MED12L: variants seen among roughly 807,000 people sequenced by gnomAD.
The protein encoded by MED12L is mediator of RNA polymerase II transcription subunit 12-like protein.
MED12L carries 60 observed loss-of-function variants against 281.3 expected under a neutral mutation model. That is an observed-to-expected ratio of 0.21 (90% CI 0.17 to 0.26). The LOEUF (loss-of-function observed/expected upper bound fraction) is 0.26, where lower values mean the gene tolerates loss of function less well. Among genes scored for constraint, MED12L ranks in the 10% least tolerant of loss-of-function variants. The pLI is 1.00. For missense variants in MED12L, 2,146 were observed against 2,680.9 expected (o/e 0.80, Z 4.41); for synonymous variants, 974 against 987.2 (o/e 0.99, Z 0.25).
chr3:151,233,811 C>T (rs1002476794), intron 16 of MED12L, among the ~76,000 whole-genome samples: 5 of 152,228 alleles, frequency 3.3e-5, no homozygotes, highest in African/African-American at 9.6e-5. Flanking sequence ...TCCTGTTCCT[C>T]CTCTGCCATC....
At chr3:151,176,973 G>A (rs1025891975) in intron 11 of MED12L, among the ~76,000 whole-genome samples, 3 of 152,208 alleles carry the variant, frequency 2.0e-5, no homozygotes, top group Non-Finnish European at 2.9e-5. Context: ...ACCAGGCACC[G>A]TGGAAGGTGC....
intron 16 of MED12L, among the ~76,000 whole-genome samples, chr3:151,246,303 G>A (rs1306313144): frequency 1.1e-4 from 17 of 152,026 alleles, no homozygotes; most frequent in South Asian, 6.2e-4. Flanking sequence ...AAAAGAGCCC[G>A]TATCGCCAAG....
chr3:151,145,897 C>T (rs1717692202), intron 5 of MED12L, among the ~76,000 whole-genome samples: 1 of 152,208 alleles, frequency 6.6e-6, no homozygotes, highest in South Asian at 2.1e-4. Flanking sequence ...GTCGCACCTG[C>T]CTCTTTGTTC....
intron 39 of MED12L, among the ~76,000 whole-genome samples, chr3:151,402,389 A>G (rs1715799708): frequency 6.6e-6 from 1 of 152,196 alleles, no homozygotes; most frequent in Non-Finnish European, 1.5e-5. Flanking sequence ...GTCGCACTAT[A>G]AATATTTGCT....
rs149379475 is a variant in MED12L, at chr3:151,121,914, G to A, written c.205-869G>A. Among the ~76,000 whole-genome samples the A allele has an allele frequency of 5.2e-3, 794 of 151,422 alleles. 11 individuals are homozygous for A. The highest frequency in any genetic ancestry group is 0.018 in the African/African-American group (760 of 41,318). ...TTTTTAGTAGAGATGCGGTTTCACT[G>A]TGTTGGCCAGGCTGGTCTCGAACTC... On this transcript the variant is annotated intron_variant, in intron 3 of 44. Coordinates refer to ENST00000687756, the MANE Select transcript of MED12L (RefSeq NM_001393769.1).
At position 151,382,890 on chromosome 3, in the gene MED12L, C is replaced by T. The variant is rs1197415946; in HGVS notation, c.4680+145C>T. The T allele has an allele frequency of 6.7e-6, 4 of 601,022 alleles. No individual in the cohort carries two copies. In the Admixed American group the frequency reaches 1.0e-4, roughly 15 times the overall value. The allele number at this position is 601,022 out of a possible 1,614,324, so 37.2% of individuals were successfully genotyped here. A position where few individuals can be genotyped will look rare whatever the true frequency, so the allele number is the denominator to read the frequency against. ...GCTCTCTGTAATTACTTCCCTGTTT[C>T]TAAAGCCTTCTGTTTCCCTTGCTGC... On this transcript the variant is annotated intron_variant, in intron 33 of 44. Coordinates refer to ENST00000687756, the MANE Select transcript of MED12L (RefSeq NM_001393769.1).
At chr3:151,161,507 G>A (rs1438374651) in intron 8 of MED12L, among the ~76,000 whole-genome samples, 1 of 152,182 alleles carries the variant, frequency 6.6e-6, no homozygotes, top group Non-Finnish European at 1.5e-5. Context: ...GGGAAGGTTG[G>A]CCAGACTGGA....
At chr3:151,329,229 C>T (rs1185826335) in intron 16 of MED12L, among the ~76,000 whole-genome samples, 1 of 152,168 alleles carries the variant, frequency 6.6e-6, no homozygotes, top group Non-Finnish European at 1.5e-5. Context: ...CCATTACTTT[C>T]ACATCCTTGT....
In MED12L at chr3:151,412,374, G is replaced by T. The variant is rs550399031; in HGVS notation, c.6141-765G>T. On this transcript the variant is annotated intron_variant, in intron 41 of 44. Transcript: ENST00000687756. ...ATGCAGTTCGTTCTTGTGGCTAGTAGTTATCTTATTGGACAGCGCAGAGAG... is the reference window on the plus strand; with the variant it reads ...ATGCAGTTCGTTCTTGTGGCTAGTATTTATCTTATTGGACAGCGCAGAGAG... 4.6e-5 allele frequency among the ~76,000 whole-genome samples: 7 copies of T among 152,334 alleles called. No individual in the cohort carries two copies. In the East Asian group the frequency reaches 7.7e-4, roughly 17 times the overall value.
intron 16 of MED12L, chr3:151,278,442 C>T (rs924169150): frequency 4.6e-5 from 7 of 152,176 alleles, no homozygotes; most frequent in African/African-American, 1.7e-4. Flanking sequence ...TAGTGGGTCC[C>T]TCTGCTGCTG....
At chr3:151,173,011 G>T (rs566402627) in intron 11 of MED12L, among the ~76,000 whole-genome samples, 6 of 152,118 alleles carry the variant, frequency 3.9e-5, no homozygotes, top group Admixed American at 3.3e-4. Flanking sequence ...TCACTGAGAA[G>T]GGCCTGTCAC....
At chr3:151,260,838 T>C (rs1363987142) in intron 16 of MED12L, among the ~76,000 whole-genome samples, 1 of 152,222 alleles carries the variant, frequency 6.6e-6, no homozygotes, top group East Asian at 1.9e-4. Flanking sequence ...GCCTTAGTTG[T>C]ATTCAGACTA....
At chr3:151,411,533 C>CAATAATG in intron 41 of MED12L, 26 bp downstream of exon 41, 1 of 1,583,454 alleles carries the variant, frequency 6.3e-7, no homozygotes, top group Non-Finnish European at 8.7e-7. Context: ...ATGATGATGG[C>CAATAATG]AATAATGAAC....
chr3:151,291,876 G>A (rs1038326092), intron 16 of MED12L, among the ~76,000 whole-genome samples: 6 of 152,156 alleles, frequency 3.9e-5, no homozygotes, highest in Admixed American at 2.0e-4. Context: ...AAAAAATAGG[G>A]ATGATGTTCT....
At chr3:151,205,464 C>G (rs1726218465) in intron 16 of MED12L, among the ~76,000 whole-genome samples, 1 of 152,154 alleles carries the variant, frequency 6.6e-6, no homozygotes, top group African/African-American at 2.4e-5. Context: ...AACACAAATA[C>G]CAAACAACGG....
intron 2 of MED12L, among the ~76,000 whole-genome samples, chr3:151,091,733 T>C (rs373284766): frequency 4.3e-4 from 66 of 152,320 alleles, no homozygotes; most frequent in African/African-American, 1.5e-3. Context: ...GCAAACCCTT[T>C]ACCTTGGCCT....
chr3:151,390,023 G>A lies in MED12L; in HGVS notation c.5496G>A (p.Ser1832=), dbSNP rs764071225. 6.1e-5 allele frequency: 98 copies of A among 1,613,882 alleles called. No homozygotes were observed. The East Asian group carries it at 2.0e-3, about 33-fold the overall frequency. The change falls in exon 38 of 45, where the codon TCG becomes TCA. Residue 1832 remains serine (S), a synonymous_variant. Transcript: ENST00000687756. ...SNIYRVPPNY[S]PISSQMMHHP... ...TATACCGAGTGCCTCCTAATTACTC[G>A]CCTATCTCCTCCCAAATGATGCACC... is the stretch of plus-strand genomic sequence containing the variant.
chr3:151,350,574 C>G (rs976293867), intron 17 of MED12L, among the ~76,000 whole-genome samples: 3 of 152,068 alleles, frequency 2.0e-5, no homozygotes, highest in African/African-American at 7.2e-5. Context: ...ATCCATTTCT[C>G]TGTTTCTTTA....
At chr3:151,194,041 C>G (rs960047884) in intron 16 of MED12L, among the ~76,000 whole-genome samples, 5 of 147,986 alleles carry the variant, frequency 3.4e-5, no homozygotes, top group African/African-American at 1.2e-4. Context: ...TCTTGACTCA[C>G]CACAACCTCT....
Sources: allele counts gnomAD v4.1 joint callset (sites outside exome capture counted in the v4.1 genomes callset), GRCh38; gene constraint gnomAD v4.1.1; transcripts MANE v1.5; gene names NCBI Gene and HGNC (gene_info 2026-07-23, HGNC 2026-07-21).